The following DIP2C variants were observed in gnomAD, a reference collection of about 807,000 sequenced individuals.
The protein encoded by DIP2C is disco-interacting protein 2 homolog C.
DIP2C carries 33 observed loss-of-function variants against 192.4 expected under a neutral mutation model. The observed-to-expected ratio is 0.17, with a 90% confidence interval of 0.13 to 0.23. The LOEUF is 0.23. Among genes scored for constraint, DIP2C ranks in the 10% least tolerant of loss-of-function variants. The pLI is 1.00. For synonymous variants in DIP2C, 979 were observed against 864.1 expected, an observed-to-expected ratio of 1.13 and a Z score of -2.33; for missense variants, 1,537 against 2,110.1, an observed-to-expected ratio of 0.73 and a Z score of 5.32.
rs771535405 is a variant in DIP2C, at chr10:356,558, T to C, written c.2905-52A>G. 4 of 1,543,158 alleles carry C rather than the reference T, an allele frequency of 2.6e-6. No homozygotes were observed. In the African/African-American group the frequency reaches 4.1e-5, roughly 16 times the overall value. On this transcript the variant is annotated intron_variant, in intron 23 of 36. Transcript: ENST00000280886. ...CAGGCTGTGCGGTTGGATCAGGCTG[T>C]GCGGGCTGAGGTGGGGCAACCTGGA...
At chr10:484,718 C>CG in intron 2 of DIP2C, 1 of 1,550,626 alleles carries the variant, frequency 6.4e-7, no homozygotes, top group Admixed American at 1.9e-5. Flanking sequence ...TGGCACTCGG[C>CG]GGGTGGCCCT....
At chr10:527,028 G>A (rs1847094417) in intron 1 of DIP2C, among the ~76,000 whole-genome samples, 1 of 152,182 alleles carries the variant, frequency 6.6e-6, no homozygotes, top group African/African-American at 2.4e-5. Context: ...CCGTCCTGGG[G>A]GACAGCTGTC....
chr10:349,518 C>T (rs925222299), intron 24 of DIP2C, 64 bp from the exon 25 acceptor site: 56 of 1,561,472 alleles, frequency 3.6e-5, no homozygotes, highest in Admixed American at 1.7e-4. Context: ...GCAGAGAGCG[C>T]GCACGCGTCA....
At chr10:499,809 C>T (rs986285858) in intron 1 of DIP2C, among the ~76,000 whole-genome samples, 5 of 152,216 alleles carry the variant, frequency 3.3e-5, no homozygotes, top group African/African-American at 1.2e-4. Flanking sequence ...GCTTTACTAA[C>T]ACCATTTTAA....
At chr10:463,033 A>G (rs1229571316) in intron 3 of DIP2C, among the ~76,000 whole-genome samples, 1 of 152,246 alleles carries the variant, frequency 6.6e-6, no homozygotes, top group Non-Finnish European at 1.5e-5. Flanking sequence ...AATAAGAGCT[A>G]TTTATGACAA....
intron 1 of DIP2C, among the ~76,000 whole-genome samples, chr10:563,560 C>G (rs959981463): frequency 6.6e-6 from 1 of 152,108 alleles, no homozygotes; most frequent in African/African-American, 2.4e-5. Context: ...CGCAGGAAAG[C>G]TAGAAAAATC....
At position 310,088 on chromosome 10, in the gene DIP2C, G is replaced by C; in HGVS notation, c.3929C>G (p.Thr1310Ser). The change falls in exon 32 of 37, where the codon ACC becomes AGC. Residue 1310 changes from threonine to serine, a missense_variant. Thr to Ser is a moderately conservative substitution (Grantham distance 58). Around this residue, in one of 4 missense-constraint regions of DIP2C, gnomAD observed 341 missense variants for 551.7 expected, o/e 0.62. Transcript: ENST00000280886. ...RVNLAICLQG[T>S]SGPDPTTVYV... is the part of the protein sequence containing the mutation. ...GACAGTGGTTGGGTCAGGTCCTGAG[G>C]TTCCCTGCAAGCAACAACAGAGTGG... 1 of 1,614,188 alleles carries C rather than the reference G, an allele frequency of 6.2e-7. No individual in the cohort carries two copies. Among genetic ancestry groups the C allele is most frequent in the Non-Finnish European group, 8.5e-7 (1 of 1,180,020 alleles).
intron 1 of DIP2C, among the ~76,000 whole-genome samples, chr10:655,887 G>C (rs78814058): frequency 5.3e-5 from 1 of 18,910 alleles, no homozygotes; most frequent in Non-Finnish European, 1.1e-4. Flanking sequence ...TTACCCTATA[G>C]AACACTCTAC....
chr10:310,024 A>G lies in DIP2C; in HGVS notation c.3986+7T>C, dbSNP rs112535917. The G allele has an allele frequency of 5.0e-6, 8 of 1,614,118 alleles. No homozygotes were observed. Among genetic ancestry groups the G allele is most frequent in the Non-Finnish European group, 6.8e-6 (8 of 1,179,982 alleles). On this transcript the variant is annotated splice_region_variant and intron_variant, in intron 32 of 36. Transcript: ENST00000280886. Reference sequence around the variant, plus strand: ...AAAAAAAGAAAAAACCCAGAAGTGTACAGTACCTGTCGTGTCTCAGGGCTC... The same window carrying G: ...AAAAAAAGAAAAAACCCAGAAGTGTGCAGTACCTGTCGTGTCTCAGGGCTC...
chr10:624,967 C>A (rs539903559), intron 1 of DIP2C, among the ~76,000 whole-genome samples: 7 of 152,346 alleles, frequency 4.6e-5, no homozygotes, highest in African/African-American at 1.7e-4. Context: ...GCACCCACAG[C>A]TGCAGGCCTG....
chr10:447,251 G>A (rs1968313582), intron 3 of DIP2C, among the ~76,000 whole-genome samples: 1 of 149,558 alleles, frequency 6.7e-6, no homozygotes, highest in Non-Finnish European at 1.5e-5. Context: ...ACACAGTGGG[G>A]CAGTAGGACC....
At chr10:488,017 C>CG (rs1242916174) in intron 1 of DIP2C, among the ~76,000 whole-genome samples, 3 of 152,224 alleles carry the variant, frequency 2.0e-5, no homozygotes, top group Non-Finnish European at 4.4e-5. Flanking sequence ...CTTGTTAACC[C>CG]GTTTTACAAA....
intron 1 of DIP2C, among the ~76,000 whole-genome samples, chr10:521,887 C>A (rs1464791844): frequency 6.6e-6 from 1 of 152,134 alleles, no homozygotes; most frequent in African/African-American, 2.4e-5. Context: ...CCCCCACCCC[C>A]ACCGGACCAG....
intron 1 of DIP2C, among the ~76,000 whole-genome samples, chr10:674,529 G>T (rs144439248): frequency 6.6e-6 from 1 of 152,010 alleles, no homozygotes; most frequent in South Asian, 2.1e-4. Context: ...CAGCACTTTG[G>T]GGGGCAGAGG....
chr10:554,181 T>C (rs1226549166), intron 1 of DIP2C, among the ~76,000 whole-genome samples: 2 of 150,368 alleles, frequency 1.3e-5, no homozygotes, highest in African/African-American at 4.9e-5. Context: ...AAGCAAGAAA[T>C]ATACATCACA....
intron 31 of DIP2C, among the ~76,000 whole-genome samples, chr10:315,665 T>A (rs1023418158): frequency 6.6e-6 from 1 of 152,258 alleles, no homozygotes; most frequent in Admixed American, 6.5e-5. Context: ...GGTGTGATTC[T>A]TCTCATTTAC....
chr10:568,800 C>CAAAAAAAAAAAAAAAAA (rs1554739052), intron 1 of DIP2C, among the ~76,000 whole-genome samples: 1 of 9,514 alleles, frequency 1.1e-4, no homozygotes, highest in Non-Finnish European at 2.5e-4. Flanking sequence ...AAAAAAAAAC[C>CAAAAAAAAAAAAAAAAA]TTCACTTGAT....
chr10:578,249 T>C (rs1023346931), intron 1 of DIP2C, among the ~76,000 whole-genome samples: 4 of 152,244 alleles, frequency 2.6e-5, no homozygotes, highest in Non-Finnish European at 5.9e-5. Flanking sequence ...GAACTGTTTA[T>C]ATTCACAACA....
intron 31 of DIP2C, 130 bp downstream of exon 31, chr10:326,876 C>A (rs1004467906): frequency 4.5e-6 from 5 of 1,103,374 alleles, no homozygotes; most frequent in Non-Finnish European, 6.3e-6. Context: ...CAACCGCATG[C>A]GTGTGACTGA....
Sources: gnomAD v4.1 joint callset for allele counts (sites outside exome capture counted in the v4.1 genomes callset) on GRCh38, gnomAD v4.1.1 for gene constraint, gnomAD v4.1.1 regional missense constraint, MANE v1.5 for transcripts, NCBI Gene and HGNC (gene_info 2026-07-23, HGNC 2026-07-21) for gene names.